Variants in ZNF33B observed in about 807,000 individuals in gnomAD.
The protein encoded by ZNF33B is zinc finger protein 33B, also known as zinc finger protein 11b (KOX 2).
Under a neutral mutation model 45.8 loss-of-function variants are expected in ZNF33B, and 29 were observed. The observed-to-expected ratio is 0.63, with a 90% CI of 0.47 to 0.86. ZNF33B has a LOEUF of 0.86. Ranked by LOEUF, ZNF33B falls within the 40% of genes least tolerant of loss-of-function variation. The probability of loss-of-function intolerance (pLI) is 0.00; values close to 1 mark genes in which losing one functional copy is unlikely to be tolerated. For missense variants in ZNF33B, 831 were observed against 909.9 expected (o/e 0.91, Z 1.12); for synonymous variants, 305 against 307.8 (o/e 0.99, Z 0.10).
chr10:42,591,160 G>T lies in ZNF33B; in HGVS notation c.*1453C>A. On this transcript the variant is annotated 3_prime_UTR_variant, in exon 5 of 5. Coordinates refer to ENST00000359467, the MANE Select transcript of ZNF33B (RefSeq NM_006955.3). ...CTTCATATTCTCAAAAGTCTCTGAA[G>T]GCCCAGATCCCTGTCTGGGTACAAT... 1 of 508,764 alleles carries T rather than the reference G, an allele frequency of 2.0e-6. No individual in the cohort carries two copies. The highest frequency in any genetic ancestry group is 2.5e-6 in the Non-Finnish European group (1 of 394,974). 31.5% of individuals were successfully genotyped at this position (508,764 alleles called of 1,614,324 possible). A position where few individuals can be genotyped will look rare whatever the true frequency, so the allele number is the denominator to read the frequency against.
chr10:42,595,809 C>T (rs1837376967), intron 4 of ZNF33B, among the ~76,000 whole-genome samples: 1 of 152,068 alleles, frequency 6.6e-6, no homozygotes, highest in South Asian at 2.1e-4. Flanking sequence ...CACCAGAAAC[C>T]AACGCTGTTG....
chr10:42,632,067 G>T, intron 3 of ZNF33B, 43 bp from the exon 4 acceptor site: 1 of 1,595,780 alleles, frequency 6.3e-7, no homozygotes, highest in South Asian at 1.1e-5. Flanking sequence ...AAGCAGTCTA[G>T]ACTTCAGGCC....
chr10:42,574,237 C>G (rs1358298650), exon 2 of ZNF33B: 1 of 151,068 alleles, frequency 6.6e-6, no homozygotes, highest in African/African-American at 2.4e-5. Context: ...CATGGTGGTC[C>G]TACCACCACC....
Position 42,632,298 on chromosome 10 carries a change from C to T in ZNF33B, c.151G>A (p.Val51Met). 1.3e-6 allele frequency: 2 copies of T among 1,599,514 alleles called. No homozygotes were observed. The highest frequency in any genetic ancestry group is 1.7e-6 in the Non-Finnish European group (2 of 1,175,176). ...MLENYSNLVS[V>M]GYCAHKPEVI... ...TGATACAGTGAACAGACCTTACCCA[C>T]TGAGACAAGGTTGCTGTAGTTCTCC... is the stretch of plus-strand genomic sequence containing the variant. The change falls in exon 3 of 5, where the codon GTG becomes ATG. Residue 51 changes from valine to methionine, a missense_variant. Val to Met is a conservative substitution (Grantham distance 21). Transcript: ENST00000359467.
chr10:42,614,533 A>G (rs1564515626), intron 4 of ZNF33B, among the ~76,000 whole-genome samples: 1 of 152,248 alleles, frequency 6.6e-6, no homozygotes, highest in Non-Finnish European at 1.5e-5. Context: ...ATATGTTAAT[A>G]ACAGCAGAAA....
chr10:42,611,027 T>C (rs1401250862), intron 4 of ZNF33B, among the ~76,000 whole-genome samples: 1 of 152,184 alleles, frequency 6.6e-6, no homozygotes, highest in Non-Finnish European at 1.5e-5. Context: ...TCAACAATGA[T>C]GCCAAGAAAA....
rs149506442 is a variant in ZNF33B, at chr10:42,626,122, T to C, written c.250+5807A>G. Reference sequence around the variant, plus strand: ...TGCATTTTGTCAAATGCTTTCTCTATATTAACTGATGTTATATCATTTTTC... The same window carrying C: ...TGCATTTTGTCAAATGCTTTCTCTACATTAACTGATGTTATATCATTTTTC... On this transcript the variant is annotated intron_variant, in intron 4 of 4. Transcript: ENST00000359467. 2.7e-3 allele frequency among the ~76,000 whole-genome samples: 411 copies of C among 152,376 alleles called. 6 individuals carry two copies. Among genetic ancestry groups the C allele is most frequent in the South Asian group, 0.025 (121 of 4,834 alleles).
downstream of ZNF33B, among the ~76,000 whole-genome samples, chr10:42,585,969 T>C (rs1836925720): frequency 6.6e-6 from 1 of 152,194 alleles, no homozygotes; most frequent in South Asian, 2.1e-4. Context: ...TCTTTCCATG[T>C]GAACCTGTGG....
rs1341762161 is a variant in ZNF33B at position 42,606,328 on chromosome 10, G to A, written c.251-11629C>T. ...AAAAACACAAAAATTAGCTGGGTGT[G>A]GTGGCGCATGCCTGTAATCCTAGCA... On this transcript the variant is annotated intron_variant, in intron 4 of 4. Transcript: ENST00000359467. 4.6e-5 allele frequency among the ~76,000 whole-genome samples: 7 copies of A among 151,992 alleles called. No homozygotes were observed. In the East Asian group the frequency reaches 1.4e-3, roughly 30 times the overall value.
chr10:42,613,781 T>C (rs1051714769), intron 4 of ZNF33B, among the ~76,000 whole-genome samples: 1 of 152,186 alleles, frequency 6.6e-6, no homozygotes, highest in Non-Finnish European at 1.5e-5. Flanking sequence ...ACATGTGTGT[T>C]TCCCTGTTCT....
chr10:42,575,734 A>ATTT (rs1308584648), intron 1 of ZNF33B, among the ~76,000 whole-genome samples: 1,752 of 146,658 alleles, frequency 0.012, 46 homozygotes, highest in African/African-American at 0.042. Context: ...ATATACATAT[A>ATTT]TATTTTTTTT....
intron 1 of ZNF33B, among the ~76,000 whole-genome samples, chr10:42,578,030 G>A (rs533684505): frequency 6.6e-6 from 1 of 152,052 alleles, no homozygotes; most frequent in Non-Finnish European, 1.5e-5. Flanking sequence ...AGAGAGGATA[G>A]CCGGTGGGCC....
chr10:42,604,154 A>G (rs1837743463), intron 4 of ZNF33B, among the ~76,000 whole-genome samples: 1 of 152,214 alleles, frequency 6.6e-6, no homozygotes, highest in African/African-American at 2.4e-5. Context: ...CTTATTTTAA[A>G]TATGTTCAGG....
In ZNF33B at chr10:42,589,196, C is replaced by CAGAG; in HGVS notation, c.*3413_*3416dup. On this transcript the variant is annotated 3_prime_UTR_variant, in exon 5 of 5. Transcript: ENST00000359467. ...TTACAGAAAAATTGAGCAAAAAGTA[C>CAGAG]AGAGAATTCTCATATAAACCTTTAA... The CAGAG allele has an allele frequency of 6.3e-6, 1 of 157,950 alleles. No individual in the cohort carries two copies. The highest frequency in any genetic ancestry group is 1.4e-5 in the Non-Finnish European group (1 of 73,278). The allele number at this position is 157,950 out of a possible 1,614,324, so 9.8% of individuals were successfully genotyped here. A position where few individuals can be genotyped will look rare whatever the true frequency, so the allele number is the denominator to read the frequency against.
chr10:42,576,617 C>A (rs7072868), intron 1 of ZNF33B, among the ~76,000 whole-genome samples: 19,498 of 152,078 alleles, frequency 0.13, 1,583 homozygotes, highest in African/African-American at 0.22. Context: ...CTGTGCGCAC[C>A]CATCATCTGA....
In ZNF33B at chr10:42,621,612, T is replaced by A. The variant is rs1838596157; in HGVS notation, c.250+10317A>T. On this transcript the variant is annotated intron_variant, in intron 4 of 4. Coordinates refer to ENST00000359467, the MANE Select transcript of ZNF33B (RefSeq NM_006955.3). ...TAAAACAAGTAAAAAAAGGACACGA[T>A]CATCTCAGTTGATGCAGTAAAGGCA... 4.0e-5 allele frequency among the ~76,000 whole-genome samples: 6 copies of A among 151,524 alleles called. No homozygotes were observed. The South Asian group carries it at 1.2e-3, about 32-fold the overall frequency.
chr10:42,615,775 A>C (rs1838285187), intron 4 of ZNF33B, among the ~76,000 whole-genome samples: 1 of 152,010 alleles, frequency 6.6e-6, no homozygotes, highest in Non-Finnish European at 1.5e-5. Flanking sequence ...AATACAAAAA[A>C]TTATCTGGGC....
intron 4 of ZNF33B, among the ~76,000 whole-genome samples, chr10:42,612,041 G>A (rs545627967): frequency 2.0e-5 from 3 of 151,824 alleles, no homozygotes; most frequent in African/African-American, 7.2e-5. Context: ...AGTATCCAGT[G>A]TCTCACCACT....
At chr10:42,625,764 G>C (rs116786166) in intron 4 of ZNF33B, among the ~76,000 whole-genome samples, 2,586 of 152,328 alleles carry the variant, frequency 0.017, 78 homozygotes, top group African/African-American at 0.059. Context: ...TGAGCCACCA[G>C]GCCTGGCCTG....
Sources: allele counts gnomAD v4.1 joint callset (sites outside exome capture counted in the v4.1 genomes callset), GRCh38; gene constraint gnomAD v4.1.1; transcripts MANE v1.5; gene names NCBI Gene and HGNC (gene_info 2026-07-23, HGNC 2026-07-21).